Variants in SEC14L6 observed in about 807,000 individuals in gnomAD.
SEC14L6 encodes SEC14 like lipid binding 6, also known as SEC14-like protein 6.
Under a neutral mutation model 54.1 loss-of-function variants are expected in SEC14L6, and 40 were observed. The ratio of observed to expected loss-of-function variants is 0.74; its 90% CI spans 0.57 to 0.96. SEC14L6 has a LOEUF of 0.96. Ranked by LOEUF, SEC14L6 falls within the 40% of genes least tolerant of loss-of-function variation. The pLI, the probability that SEC14L6 is intolerant of heterozygous loss-of-function variation, is 0.00. For missense variants in SEC14L6, 471 were observed against 498.3 expected, an observed-to-expected ratio of 0.95 and a Z score of 0.52; for synonymous variants, 171 against 198.4, an observed-to-expected ratio of 0.86 and a Z score of 1.16.
At chr22:30,531,356 G>A (rs562740861) in intron 6 of SEC14L6, among the ~76,000 whole-genome samples, 7 of 150,168 alleles carry the variant, frequency 4.7e-5, no homozygotes, top group African/African-American at 1.5e-4. Context: ...GCAGTGAGCC[G>A]AGATCACACC....
At chr22:30,538,200 T>C (rs1186786239) in intron 2 of SEC14L6, among the ~76,000 whole-genome samples, 1 of 151,964 alleles carries the variant, frequency 6.6e-6, no homozygotes, top group Non-Finnish European at 1.5e-5. Context: ...TAGCTGGGCA[T>C]GGTGGCACAT....
At chr22:30,537,250 C>A (rs979395772) in intron 2 of SEC14L6, among the ~76,000 whole-genome samples, 1 of 152,042 alleles carries the variant, frequency 6.6e-6, no homozygotes, top group Non-Finnish European at 1.5e-5. Flanking sequence ...ACAGACAAGA[C>A]CAAAAATCAA....
chr22:30,542,631 C>G, intron 1 of SEC14L6: 1 of 1,541,924 alleles, frequency 6.5e-7, no homozygotes, highest in Non-Finnish European at 8.7e-7. Context: ...TGCTGCTCCC[C>G]GCGTCCTGCG....
At position 30,529,103 on chromosome 22, in the gene SEC14L6, C is replaced by A; in HGVS notation, c.648G>T (p.Lys216Asn). ...CTCACTCACCTCCGAGAATCACCAC[C>A]TTCCTGCGTGTCTCTTCACTCATGT... is the stretch of plus-strand genomic sequence containing the variant. The part of the protein sequence containing the change: ...KSYMSEETRR[K>N]VVILGDNWKQ... Residue 216 changes from lysine (K) to asparagine (N), a missense_variant, in exon 8 of 12, where the codon AAG becomes AAT. Coordinates refer to ENST00000402034, the MANE Select transcript of SEC14L6 (RefSeq NM_001193336.4). The A allele has an allele frequency of 6.4e-7, 1 of 1,551,140 alleles. No homozygotes were observed. The highest frequency in any genetic ancestry group is 2.4e-5 in the East Asian group (1 of 40,924).
At chr22:30,533,922 A>T in intron 3 of SEC14L6, 74 bp downstream of exon 3, 3 of 1,319,584 alleles carry the variant, frequency 2.3e-6, no homozygotes, top group Non-Finnish European at 3.2e-6. Context: ...TGGATGAATG[A>T]ATGAATAAAT....
intron 8 of SEC14L6, 95 bp downstream of exon 8, chr22:30,528,992 T>C: frequency 8.7e-7 from 1 of 1,145,366 alleles, no homozygotes; most frequent in South Asian, 1.4e-5. Flanking sequence ...TTGGGTGCCC[T>C]ACACCTTCGG....
At chr22:30,531,068 C>T (rs2146259762) in intron 6 of SEC14L6, among the ~76,000 whole-genome samples, 1 of 152,248 alleles carries the variant, frequency 6.6e-6, no homozygotes, top group South Asian at 2.1e-4. Flanking sequence ...CAACTTAGCA[C>T]AGCCCCGAGA....
At chr22:30,539,862 C>T (rs893770071) in intron 1 of SEC14L6, among the ~76,000 whole-genome samples, 6 of 152,166 alleles carry the variant, frequency 3.9e-5, no homozygotes, top group African/African-American at 1.4e-4. Context: ...TAGGACAGTT[C>T]AGCTGGCCCT....
chr22:30,536,315 G>A (rs1297678829), intron 2 of SEC14L6, among the ~76,000 whole-genome samples: 1 of 151,830 alleles, frequency 6.6e-6, no homozygotes, highest in Non-Finnish European at 1.5e-5. Context: ...CAGGTGTGAT[G>A]ATCAACATGG....
chr22:30,532,596 G>A lies in SEC14L6; in HGVS notation c.352C>T (p.Gln118Ter), dbSNP rs1019303909. The part of the protein sequence containing the change: ...PKGLLLSASK[Q>*]ELLRDSFRSC... ...CGGAAGCTGTCCCTGAGCAACTCCT[G>A]TTTGGAGGCTGAGAGCAAGAGGCCT... The change falls in exon 5 of 12, where the codon CAG (glutamine) becomes TAG (stop). Residue 118 changes from glutamine to a stop codon, truncating the protein, a stop_gained. Coordinates refer to ENST00000402034, the MANE Select transcript of SEC14L6 (RefSeq NM_001193336.4). LOFTEE classifies it high-confidence loss of function. 6.4e-7 allele frequency: 1 copy of A among 1,550,652 alleles called. No individual in the cohort carries two copies. The highest frequency in any genetic ancestry group is 8.7e-7 in the Non-Finnish European group (1 of 1,147,008).
At chr22:30,527,105 A>AAT (rs1936802471) in intron 8 of SEC14L6, among the ~76,000 whole-genome samples, 1 of 151,558 alleles carries the variant, frequency 6.6e-6, no homozygotes, top group Non-Finnish European at 1.5e-5. Flanking sequence ...CTCTGAAATA[A>AAT]ATATATATAT....
At chr22:30,529,491 T>C in intron 6 of SEC14L6, 142 bp from the exon 7 acceptor site, 1 of 671,506 alleles carries the variant, frequency 1.5e-6, no homozygotes, top group Non-Finnish European at 2.6e-6. Context: ...CGGCTCCCGA[T>C]GCCCAGACAC....
At position 30,529,296 on chromosome 22, in the gene SEC14L6, A is replaced by G. The variant is rs760326262; in HGVS notation, c.573T>C (p.Val191=). ...CTGGGCTGCTTTACTCACCTCTCACAACAATTAAACTCTTCAAGATCTCAG... is the reference window on the plus strand; with the variant it reads ...CTGGGCTGCTTTACTCACCTCTCACGACAATTAAACTCTTCAAGATCTCAG... ...NYPEILKSLI[V]VRAPKLFAVA... The change falls in exon 7 of 12, where the codon GTT becomes GTC. Residue 191 remains valine, a synonymous_variant. Transcript: ENST00000402034. 6.4e-7 allele frequency: 1 copy of G among 1,550,502 alleles called. No homozygotes were observed. Among genetic ancestry groups the G allele is most frequent in the South Asian group, 1.2e-5 (1 of 84,052 alleles).
rs972706955 is a variant in SEC14L6 at position 30,531,959 on chromosome 22, G to A, written c.463C>T (p.Leu155Phe). Residue 155 changes from leucine (L) to phenylalanine (F), a missense_variant, in exon 6 of 12, where the codon CTC (leucine) becomes TTC (phenylalanine). Leu to Phe is a conservative substitution (Grantham distance 22, BLOSUM62 0). Transcript: ENST00000402034. ...RVEKIIAIFG[L>F]EGLGLRDLWK... ...AGATCCCTCAGGCCCAGCCCTTCGA[G>A]ACCAAAAATAGCTATGATTTTCTCC... 1.3e-6 allele frequency: 2 copies of A among 1,550,742 alleles called. No individual in the cohort carries two copies. The highest frequency in any genetic ancestry group is 2.7e-5 in the African/African-American group (2 of 73,042).
At chr22:30,539,040 A>T in intron 1 of SEC14L6, 138 bp from the exon 2 acceptor site, 1 of 612,312 alleles carries the variant, frequency 1.6e-6, no homozygotes, top group Non-Finnish European at 2.9e-6. Flanking sequence ...GGGTCAAGCC[A>T]TAACAGTTTG....
intron 1 of SEC14L6, chr22:30,543,150 C>G: frequency 6.2e-7 from 1 of 1,603,908 alleles, no homozygotes; most frequent in South Asian, 1.1e-5. Context: ...TCTCAGACTT[C>G]CAGACCAACG....
intron 1 of SEC14L6, chr22:30,543,998 A>C: frequency 6.3e-7 from 1 of 1,599,350 alleles, no homozygotes; most frequent in Non-Finnish European, 8.6e-7. Context: ...GACATGGTGC[A>C]CCTCAACCGG....
intron 8 of SEC14L6, among the ~76,000 whole-genome samples, chr22:30,526,669 G>A (rs1157864324): frequency 6.6e-6 from 1 of 150,808 alleles, no homozygotes; most frequent in Non-Finnish European, 1.5e-5. Flanking sequence ...GGCAGAGGCT[G>A]CAGTGAGCCG....
intron 1 of SEC14L6, among the ~76,000 whole-genome samples, chr22:30,542,157 A>C: frequency 6.6e-6 from 1 of 151,918 alleles, no homozygotes; most frequent in East Asian, 1.9e-4. Flanking sequence ...CGACCCTACC[A>C]GAAAGTCCAC....
Sources: allele counts gnomAD v4.1 joint callset (sites outside exome capture counted in the v4.1 genomes callset), GRCh38; gene constraint gnomAD v4.1.1; transcripts MANE v1.5; gene names NCBI Gene and HGNC (gene_info 2026-07-23, HGNC 2026-07-21).